Variants in CAMTA1 observed in about 807,000 individuals in gnomAD.
The protein encoded by CAMTA1 is calmodulin-binding transcription activator 1.
Under a neutral mutation model 170.9 loss-of-function variants are expected in CAMTA1, and 27 were observed. The ratio of observed to expected loss-of-function variants is 0.16; its 90% confidence interval spans 0.12 to 0.22. CAMTA1 has a LOEUF of 0.22. Ranked by LOEUF, CAMTA1 falls within the 10% of genes least tolerant of loss-of-function variation. The pLI, the probability that CAMTA1 is intolerant of heterozygous loss-of-function variation, is 1.00. For missense variants in CAMTA1, 1,619 were observed against 2,217.2 expected (o/e 0.73, Z 5.42); for synonymous variants, 833 against 891.5 (o/e 0.93, Z 1.17).
At chr1:7,395,034 C>A (rs1196508222) in intron 5 of CAMTA1, among the ~76,000 whole-genome samples, 1 of 152,020 alleles carries the variant, frequency 6.6e-6, no homozygotes, top group Non-Finnish European at 1.5e-5. Context: ...AGGTGTCCGC[C>A]ACCACGCCTG....
chr1:6,851,282 A>G (rs1660270769), intron 3 of CAMTA1, among the ~76,000 whole-genome samples: 1 of 152,226 alleles, frequency 6.6e-6, no homozygotes, highest in Non-Finnish European at 1.5e-5. Context: ...AAAGGACTGT[A>G]AATGAAATTA....
rs548507913 is a variant in CAMTA1 at position 7,639,750 on chromosome 1, G to A, written c.511-650G>A. Among the ~76,000 whole-genome samples the A allele has an allele frequency of 1.9e-4, 28 of 151,292 alleles. 1 individual carries two copies. Among genetic ancestry groups the A allele is most frequent in the Middle Eastern group, 3.4e-3 (1 of 290 alleles). On this transcript the variant is annotated intron_variant, in intron 6 of 22. Coordinates refer to ENST00000303635, the MANE Select transcript of CAMTA1 (RefSeq NM_015215.4). ...CACACCACTGCACTCCAACCTGGACGATGGAGTGAGACTCTGTCTAAAGAA... is the reference window on the plus strand; with the variant it reads ...CACACCACTGCACTCCAACCTGGACAATGGAGTGAGACTCTGTCTAAAGAA...
intron 3 of CAMTA1, among the ~76,000 whole-genome samples, chr1:6,882,542 T>A (rs528640508): frequency 3.2e-4 from 49 of 152,278 alleles, no homozygotes; most frequent in Admixed American, 2.6e-3. Context: ...AGAATGCTAT[T>A]CTTCTTTACT....
chr1:7,148,225 G>T lies in CAMTA1; in HGVS notation c.302+56854G>T, dbSNP rs534772183. Among the ~76,000 whole-genome samples, 4 of 144,112 alleles carry T rather than the reference G, an allele frequency of 2.8e-5. No homozygotes were observed. In the East Asian group the frequency reaches 8.9e-4, roughly 32 times the overall value. The allele number at this position is 144,112 out of a possible 152,430, so 94.5% of individuals were successfully genotyped here. Reference sequence around the variant, plus strand: ...ATGTAGACACACACTCATACATCATGCACACACACACCACACACTCACACA... The same window carrying T: ...ATGTAGACACACACTCATACATCATTCACACACACACCACACACTCACACA... On this transcript the variant is annotated intron_variant, in intron 4 of 22. Coordinates refer to ENST00000303635, the MANE Select transcript of CAMTA1 (RefSeq NM_015215.4).
intron 6 of CAMTA1, among the ~76,000 whole-genome samples, chr1:7,611,106 G>T (rs1576388512): frequency 6.6e-6 from 1 of 152,120 alleles, no homozygotes; most frequent in Non-Finnish European, 1.5e-5. Context: ...CCACCTCCGG[G>T]ACTGTGGAGA....
chr1:7,260,332 T>C (rs1370441331), intron 5 of CAMTA1, among the ~76,000 whole-genome samples: 2 of 152,242 alleles, frequency 1.3e-5, no homozygotes, highest in Non-Finnish European at 2.9e-5. Flanking sequence ...GAATGTATAC[T>C]TTTATTTACA....
chr1:7,092,656 A>G lies in CAMTA1; in HGVS notation c.302+1285A>G, dbSNP rs1452631621. Among the ~76,000 whole-genome samples the G allele has an allele frequency of 6.6e-6, 1 of 152,250 alleles. No homozygotes were observed. The highest frequency in any genetic ancestry group is 1.5e-5 in the Non-Finnish European group (1 of 68,050). ...TAAAATCAAATAATTTATATCAGTC[A>G]GCTTTTGCTGTGATAATTCTGTGTA... On this transcript the variant is annotated intron_variant, in intron 4 of 22. Transcript: ENST00000303635. This position sits in a 1 kb window ranked among gnomAD's most constrained non-coding sequence, Gnocchi z 5.0.
chr1:6,914,300 C>T (rs2149285871), intron 3 of CAMTA1, among the ~76,000 whole-genome samples: 1 of 152,186 alleles, frequency 6.6e-6, no homozygotes, highest in South Asian at 2.1e-4. Flanking sequence ...GATGGGGTTT[C>T]ACCATGTCGG....
chr1:7,421,965 G>A (rs556847032), intron 5 of CAMTA1, among the ~76,000 whole-genome samples: 12 of 145,122 alleles, frequency 8.3e-5, no homozygotes, highest in Non-Finnish European at 1.8e-4. Flanking sequence ...TCGGTGCGCC[G>A]TGGCTGGGGG....
At chr1:7,675,243 T>C (rs1353557733) in intron 10 of CAMTA1, among the ~76,000 whole-genome samples, 1 of 152,160 alleles carries the variant, frequency 6.6e-6, no homozygotes, top group African/African-American at 2.4e-5. Flanking sequence ...AGAAAGGCAC[T>C]GGCTGCAGGA....
In CAMTA1 at chr1:7,738,440, T is replaced by C. The variant is rs567552109; in HGVS notation, c.4140T>C (p.Ser1380=). Reference sequence around the variant, plus strand: ...CAGAGCTGGGGTCCTACCGTGATAGTGCAGAAAATGAAGAATGCGGCCAGC... The same window carrying C: ...CAGAGCTGGGGTCCTACCGTGATAGCGCAGAAAATGAAGAATGCGGCCAGC... ...VNTELGSYRD[S]AENEECGQPM... Residue 1380 remains serine (S), a synonymous_variant, in exon 16 of 23, where the codon AGT becomes AGC. Transcript: ENST00000303635. This position sits in a 1 kb window ranked among gnomAD's most constrained non-coding sequence, Gnocchi z 4.9. 1.1e-5 allele frequency: 18 copies of C among 1,614,114 alleles called. No individual in the cohort carries two copies. In the East Asian group the frequency reaches 2.7e-4, roughly 24 times the overall value.
At chr1:7,278,588 C>T (rs536174163) in intron 5 of CAMTA1, among the ~76,000 whole-genome samples, 22 of 152,310 alleles carry the variant, frequency 1.4e-4, no homozygotes, top group Admixed American at 3.9e-4. Context: ...TCACTTAGCT[C>T]GTCACAGATC....
chr1:6,872,655 T>C (rs542548939), intron 3 of CAMTA1, among the ~76,000 whole-genome samples: 1 of 152,340 alleles, frequency 6.6e-6, no homozygotes, highest in African/African-American at 2.4e-5. Context: ...TGCATTTTTA[T>C]TGTATTTCTC....
At chr1:6,972,909 C>T (rs1446257427) in intron 3 of CAMTA1, among the ~76,000 whole-genome samples, 1 of 151,962 alleles carries the variant, frequency 6.6e-6, no homozygotes, top group Admixed American at 6.6e-5. Flanking sequence ...TGGAGTGCAG[C>T]GGTGTGATCT....
At chr1:7,510,011 A>ATCCTGC (rs1557842840) in intron 6 of CAMTA1, among the ~76,000 whole-genome samples, 13 of 134,516 alleles carry the variant, frequency 9.7e-5, no homozygotes, top group South Asian at 2.4e-4. Context: ...ACAAACAAAC[A>ATCCTGC]ACAAAAAAAA....
At chr1:6,786,249 C>T (rs889623799) in intron 1 of CAMTA1, among the ~76,000 whole-genome samples, 2 of 152,036 alleles carry the variant, frequency 1.3e-5, no homozygotes, top group Non-Finnish European at 2.9e-5. Context: ...TGACCCCTCC[C>T]CCTTCGCTTC....
chr1:7,460,881 C>G (rs2093068921), intron 5 of CAMTA1, among the ~76,000 whole-genome samples: 1 of 152,046 alleles, frequency 6.6e-6, no homozygotes, highest in Non-Finnish European at 1.5e-5. Context: ...GAGAGATGGG[C>G]CCAGTGGAGT....
chr1:7,663,035 G>A (rs925553644), intron 8 of CAMTA1, among the ~76,000 whole-genome samples: 1 of 152,186 alleles, frequency 6.6e-6, no homozygotes, highest in Non-Finnish European at 1.5e-5. Flanking sequence ...ACTTTCCTGG[G>A]TGTTGACATT....
intron 6 of CAMTA1, among the ~76,000 whole-genome samples, chr1:7,506,086 G>T (rs17505750): frequency 5.3e-5 from 8 of 151,974 alleles, no homozygotes; most frequent in Non-Finnish European, 8.8e-5. Context: ...GAATCGCAGA[G>T]GAGGAAGCCG....
Sources: allele counts gnomAD v4.1 joint callset (sites outside exome capture counted in the v4.1 genomes callset), GRCh38; gene constraint gnomAD v4.1.1; non-coding constraint Gnocchi (gnomAD v3.1); transcripts MANE v1.5; gene names NCBI Gene and HGNC (gene_info 2026-07-23, HGNC 2026-07-21).